LRRC61: variants seen among roughly 807,000 people sequenced by gnomAD.
The protein encoded by LRRC61 is leucine-rich repeat-containing protein 61.
LRRC61 carries 9 observed loss-of-function variants against 15.1 expected under a neutral mutation model. The ratio of observed to expected loss-of-function variants is 0.60; its 90% CI spans 0.36 to 1.04. The LOEUF (loss-of-function observed/expected upper bound fraction) is 1.04. Among genes scored for constraint, LRRC61 ranks in the 50% least tolerant of loss-of-function variants. The probability of loss-of-function intolerance (pLI) is 0.01; values close to 1 mark genes in which losing one functional copy is unlikely to be tolerated. For missense variants in LRRC61, 344 were observed against 335.6 expected, an observed-to-expected ratio of 1.03 and a Z score of -0.20; for synonymous variants, 173 against 158.6, an observed-to-expected ratio of 1.09 and a Z score of -0.68.
Position 150,329,466 on chromosome 7 carries a change from G to A in LRRC61, c.-145+3456G>A, listed in dbSNP as rs377364209. Among the ~76,000 whole-genome samples, 9 of 152,120 alleles carry A rather than the reference G, an allele frequency of 5.9e-5. No individual in the cohort carries two copies. In the East Asian group the frequency reaches 7.7e-4, roughly 13 times the overall value. Reference sequence around the variant, plus strand: ...GCTGGGTGGGGTGAGTGTGGGAGCCGCAGGTCTGCAGCGGTCCCCCAGCCA... The same window carrying A: ...GCTGGGTGGGGTGAGTGTGGGAGCCACAGGTCTGCAGCGGTCCCCCAGCCA... On this transcript the variant is annotated intron_variant, in intron 2 of 2. Transcript: ENST00000359623.
At chr7:150,320,714 G>A (rs1028348562), upstream of LRRC61, among the ~76,000 whole-genome samples, 2 of 152,218 alleles carry the variant, frequency 1.3e-5, no homozygotes, top group Non-Finnish European at 2.9e-5. Context: ...AGTGAGCCGA[G>A]ATGGTGGCAT....
rs1229324302 is a variant in LRRC61, at chr7:150,334,442, A to C, written c.-144-2276A>C. On this transcript the variant is annotated intron_variant, in intron 2 of 2. Transcript: ENST00000359623. ...GCTGCTCGTGCATAGGACATCTTCC[A>C]CATTCACTCCTGAAATAGCGGGTGG... 2.7e-4 allele frequency among the ~76,000 whole-genome samples: 34 copies of C among 124,320 alleles called. No homozygotes were observed. In the Admixed American group the frequency reaches 3.2e-3, roughly 12 times the overall value. 81.6% of individuals were successfully genotyped at this position (124,320 alleles called of 152,430 possible). A position where few individuals can be genotyped will look rare whatever the true frequency, so the allele number is the denominator to read the frequency against.
rs141148154 is a variant in LRRC61 at position 150,337,995 on chromosome 7, A to T, written c.*354A>T. The T allele has an allele frequency of 2.4e-6, 1 of 412,008 alleles. No homozygotes were observed. Among genetic ancestry groups the T allele is most frequent in the Non-Finnish European group, 4.6e-6 (1 of 215,332 alleles). The allele number at this position is 412,008 out of a possible 1,614,324, so 25.5% of individuals were successfully genotyped here. Reference sequence around the variant, plus strand: ...AGCCTCCCGTCTCAGCTGTTGGGAGACAGTAGGCAGGCTGAGTGGCCCAGA... The same window carrying T: ...AGCCTCCCGTCTCAGCTGTTGGGAGTCAGTAGGCAGGCTGAGTGGCCCAGA... On this transcript the variant is annotated 3_prime_UTR_variant, in exon 3 of 3. Transcript: ENST00000359623.
In LRRC61 at chr7:150,333,117, T is replaced by TCTGGGAGAGGA. The variant is rs1408836008; in HGVS notation, c.-144-3593_-144-3583dup. Among the ~76,000 whole-genome samples the TCTGGGAGAGGA allele has an allele frequency of 6.6e-6, 1 of 152,188 alleles. No individual in the cohort carries two copies. Among genetic ancestry groups the TCTGGGAGAGGA allele is most frequent in the African/African-American group, 2.4e-5 (1 of 41,454 alleles). On this transcript the variant is annotated intron_variant, in intron 2 of 2. Coordinates refer to ENST00000359623, the MANE Select transcript of LRRC61 (RefSeq NM_001142928.2). The surrounding 1 kb of genome is among the most constrained non-coding windows in gnomAD (Gnocchi z 4.3). ...GTGGCATCACCGAGCGGGCTCATGTTCTGGGAGAGGACTGGGAGGCCTAGA... is the reference window on the plus strand; with the variant it reads ...GTGGCATCACCGAGCGGGCTCATGTTCTGGGAGAGGACTGGGAGAGGACTGGGAGGCCTAGA...
chr7:150,334,847 C>T (rs1349764802), intron 2 of LRRC61, among the ~76,000 whole-genome samples: 1 of 152,112 alleles, frequency 6.6e-6, no homozygotes, highest in African/African-American at 2.4e-5. Flanking sequence ...GATGAAACCC[C>T]GTCTCTACTA....
chr7:150,318,669 G>T (rs1181797586), upstream of LRRC61, among the ~76,000 whole-genome samples: 1 of 152,200 alleles, frequency 6.6e-6, no homozygotes, highest in Non-Finnish European at 1.5e-5. Flanking sequence ...GGCTGAGGCA[G>T]AAGAATCGCT....
Position 150,330,953 on chromosome 7 carries a change from C to T in LRRC61, c.-145+4943C>T, listed in dbSNP as rs764320737. The T allele has an allele frequency of 2.0e-5, 32 of 1,612,046 alleles. No individual in the cohort carries two copies. The highest frequency in any genetic ancestry group is 2.5e-5 in the Non-Finnish European group (30 of 1,179,916). On this transcript the variant is annotated intron_variant, in intron 2 of 2. Coordinates refer to ENST00000359623, the MANE Select transcript of LRRC61 (RefSeq NM_001142928.2). This position sits in a 1 kb window ranked among gnomAD's most constrained non-coding sequence, Gnocchi z 4.6. ...TGCTGGCCTCTGAGAGAAGCGGGGGCTCGCTGTCCACCAAGAGCCACTGGG... is the reference window on the plus strand; with the variant it reads ...TGCTGGCCTCTGAGAGAAGCGGGGGTTCGCTGTCCACCAAGAGCCACTGGG...
At chr7:150,311,102 G>A in the LRRC61 span, among the ~76,000 whole-genome samples, 1 of 152,100 alleles carries the variant, frequency 6.6e-6, no homozygotes, top group African/African-American at 2.4e-5. Context: ...TAACCAAACT[G>A]CTTTACAAGC....
Position 150,330,761 on chromosome 7 carries a change from C to T in LRRC61, c.-145+4751C>T. ...GAGTGTCTGAATACTCTTTGAACTCCCCAAGTCCCCTGCAAAGCCCCAGGG... is the reference window on the plus strand; with the variant it reads ...GAGTGTCTGAATACTCTTTGAACTCTCCAAGTCCCCTGCAAAGCCCCAGGG... On this transcript the variant is annotated intron_variant, in intron 2 of 2. Transcript: ENST00000359623. The surrounding 1 kb of genome is among the most constrained non-coding windows in gnomAD (Gnocchi z 4.6). The T allele has an allele frequency of 6.2e-7, 1 of 1,613,760 alleles. No homozygotes were observed. The highest frequency in any genetic ancestry group is 8.5e-7 in the Non-Finnish European group (1 of 1,179,830).
In LRRC61 at chr7:150,330,753, T is replaced by C. The variant is rs143629316; in HGVS notation, c.-145+4743T>C. ...GGAGATTAGAGTGTCTGAATACTCT[T>C]TGAACTCCCCAAGTCCCCTGCAAAG... On this transcript the variant is annotated intron_variant, in intron 2 of 2. Coordinates refer to ENST00000359623, the MANE Select transcript of LRRC61 (RefSeq NM_001142928.2). The surrounding 1 kb of genome is among the most constrained non-coding windows in gnomAD (Gnocchi z 4.6). 3 of 1,613,004 alleles carry C rather than the reference T, an allele frequency of 1.9e-6. No homozygotes were observed. Among genetic ancestry groups the C allele is most frequent in the Admixed American group, 1.7e-5 (1 of 60,004 alleles).
chr7:150,317,121 G>A, the LRRC61 span, among the ~76,000 whole-genome samples: 83 of 151,128 alleles, frequency 5.5e-4, no homozygotes, highest in African/African-American at 1.6e-3. Context: ...GCGTGATCTC[G>A]GCTCACTGCA....
In LRRC61 at chr7:150,337,210, T is replaced by C; in HGVS notation, c.349T>C (p.Cys117Arg). Residue 117 changes from cysteine to arginine, a missense_variant, in exon 3 of 3, where the codon TGT becomes CGT. Coordinates refer to ENST00000359623, the MANE Select transcript of LRRC61 (RefSeq NM_001142928.2). Reference protein sequence around the residue: ...NLLATPGQLQCLAGLPCLEYL... With the variant: ...NLLATPGQLQRLAGLPCLEYL... ...ACTGGCCACCCCGGGCCAGCTGCAGTGTCTGGCTGGGCTACCGTGCCTGGA... is the reference window on the plus strand; with the variant it reads ...ACTGGCCACCCCGGGCCAGCTGCAGCGTCTGGCTGGGCTACCGTGCCTGGA... 1 of 1,605,828 alleles carries C rather than the reference T, an allele frequency of 6.2e-7. No homozygotes were observed. Among genetic ancestry groups the C allele is most frequent in the Non-Finnish European group, 8.5e-7 (1 of 1,179,866 alleles).
chr7:150,311,459 G>A, the LRRC61 span, among the ~76,000 whole-genome samples: 3,411 of 152,212 alleles, frequency 0.022, 140 homozygotes, highest in African/African-American at 0.077. Flanking sequence ...ACCTTCAAGC[G>A]TTAATGTCCT....
At chr7:150,334,321 C>T (rs918250814) in intron 2 of LRRC61, among the ~76,000 whole-genome samples, 16 of 152,156 alleles carry the variant, frequency 1.1e-4, no homozygotes, top group Admixed American at 8.5e-4. Flanking sequence ...GTTGGTCTCA[C>T]TCCTTAAAAG....
At chr7:150,331,258 A>G (rs1798100970) in intron 2 of LRRC61, 2 of 826,954 alleles carry the variant, frequency 2.4e-6, no homozygotes, top group South Asian at 3.7e-5. Flanking sequence ...CATCTGCTCT[A>G]GTGGTGACCT....
In LRRC61 at chr7:150,336,752, G is replaced by A. The variant is rs1041029879; in HGVS notation, c.-110G>A. 18 of 1,435,768 alleles carry A rather than the reference G, an allele frequency of 1.3e-5. No individual in the cohort carries two copies. The Admixed American group carries it at 4.0e-4, about 32-fold the overall frequency. The allele number at this position is 1,435,768 out of a possible 1,614,324, so 88.9% of individuals were successfully genotyped here. ...GGCTTCGAGCAGGGCATCGGAACCAGGCCTCCTGGCACTGGCCTGGGTAGA... is the reference window on the plus strand; with the variant it reads ...GGCTTCGAGCAGGGCATCGGAACCAAGCCTCCTGGCACTGGCCTGGGTAGA... On this transcript the variant is annotated 5_prime_UTR_variant, in exon 3 of 3. Coordinates refer to ENST00000359623, the MANE Select transcript of LRRC61 (RefSeq NM_001142928.2).
At chr7:150,309,688 G>A in the LRRC61 span, among the ~76,000 whole-genome samples, 2 of 152,116 alleles carry the variant, frequency 1.3e-5, no homozygotes, top group South Asian at 2.1e-4. Context: ...TTCCTAAGCC[G>A]TGTCCCACCT....
rs774336596 is a variant in LRRC61, at chr7:150,330,478, T to C, written c.-145+4468T>C. 5 of 779,954 alleles carry C rather than the reference T, an allele frequency of 6.4e-6. No individual in the cohort carries two copies. Among genetic ancestry groups the C allele is most frequent in the South Asian group, 1.3e-5 (1 of 74,602 alleles). The allele number at this position is 779,954 out of a possible 1,614,324, so 48.3% of individuals were successfully genotyped here. On this transcript the variant is annotated intron_variant, in intron 2 of 2. Coordinates refer to ENST00000359623, the MANE Select transcript of LRRC61 (RefSeq NM_001142928.2). This position sits in a 1 kb window ranked among gnomAD's most constrained non-coding sequence, Gnocchi z 4.6. Reference sequence around the variant, plus strand: ...CTGCCCCAGCTGCGCTACCTGCACATCTTCCTGGAGCAGGTTCACACACAC... The same window carrying C: ...CTGCCCCAGCTGCGCTACCTGCACACCTTCCTGGAGCAGGTTCACACACAC...
intron 2 of LRRC61, among the ~76,000 whole-genome samples, chr7:150,334,311 G>A (rs1798213785): frequency 6.6e-6 from 1 of 152,146 alleles, no homozygotes; most frequent in South Asian, 2.1e-4. Context: ...TCCTAGTAGT[G>A]TTGGTCTCAC....
Sources: gnomAD v4.1 joint callset for allele counts (sites outside exome capture counted in the v4.1 genomes callset) on GRCh38, gnomAD v4.1.1 for gene constraint, Gnocchi (gnomAD v3.1) non-coding constraint, MANE v1.5 for transcripts, NCBI Gene and HGNC (gene_info 2026-07-23, HGNC 2026-07-21) for gene names.